FOXP2: variants seen among roughly 807,000 people sequenced by gnomAD.
The protein encoded by FOXP2 is forkhead box protein P2.
Under a neutral mutation model 115.8 loss-of-function variants are expected in FOXP2, and 12 were observed. That is an observed-to-expected ratio of 0.10 (90% confidence interval 0.07 to 0.17). The LOEUF (loss-of-function observed/expected upper bound fraction) is 0.17. FOXP2 is among the 10% of genes least tolerant of loss of function. FOXP2 has a pLI of 1.00. For missense variants in FOXP2, 629 were observed against 843.5 expected (o/e 0.75, Z 3.15); for synonymous variants, 328 against 297.7 (o/e 1.10, Z -1.05).
chr7:114,372,725 T>G (rs1443419464), intron 2 of FOXP2, among the ~76,000 whole-genome samples: 1 of 152,094 alleles, frequency 6.6e-6, no homozygotes, highest in African/African-American at 2.4e-5. Flanking sequence ...TTTTTTGGTT[T>G]TTTTGTTTTG....
intron 2 of FOXP2, among the ~76,000 whole-genome samples, chr7:114,481,060 A>G (rs1364649973): frequency 2.6e-5 from 4 of 151,472 alleles, no homozygotes; most frequent in East Asian, 3.9e-4. Context: ...TGTTGCTAGA[A>G]ACAACCTTTT....
intron 3 of FOXP2, among the ~76,000 whole-genome samples, chr7:114,626,213 A>G (rs1390992301): frequency 6.6e-6 from 1 of 151,820 alleles, no homozygotes; most frequent in Non-Finnish European, 1.5e-5. Flanking sequence ...GGACTAGTAT[A>G]CCCTAAAGAA....
Position 114,642,544 on chromosome 7 carries a change from A to G in FOXP2, c.910A>G (p.Thr304Ala). Residue 304 changes from threonine to alanine, a missense_variant, in exon 7 of 17, where the codon ACT (threonine) becomes GCT (alanine). Thr to Ala is a moderately conservative substitution (Grantham distance 58, BLOSUM62 0). Around this residue, in one of 9 missense-constraint regions of FOXP2, gnomAD observed 92 missense variants for 80.1 expected, o/e 1.15. Coordinates refer to ENST00000350908, the MANE Select transcript of FOXP2 (RefSeq NM_014491.4). The part of the protein sequence containing the change: ...NNSSSTTSSN[T>A]SKASPPITHH... Reference sequence around the variant, plus strand: ...TTCCTCCTCGACTACCTCCTCCAACACTTCCAAAGCATCACCACCAATAAC... The same window carrying G: ...TTCCTCCTCGACTACCTCCTCCAACGCTTCCAAAGCATCACCACCAATAAC... The G allele has an allele frequency of 3.7e-6, 6 of 1,613,670 alleles. No homozygotes were observed. Among genetic ancestry groups the G allele is most frequent in the Non-Finnish European group, 5.1e-6 (6 of 1,179,904 alleles).
chr7:114,461,567 T>C (rs1159585493), intron 2 of FOXP2, among the ~76,000 whole-genome samples: 2 of 152,168 alleles, frequency 1.3e-5, no homozygotes, highest in African/African-American at 4.8e-5. Flanking sequence ...TGCTTTATTC[T>C]GGTTTGTATT....
Position 114,664,366 on chromosome 7 carries a change from C to G in FOXP2, c.1933C>G (p.Leu645Val). 6.2e-7 allele frequency: 1 copy of G among 1,613,624 alleles called. No individual in the cohort carries two copies. The highest frequency in any genetic ancestry group is 1.1e-5 in the South Asian group (1 of 91,084). The change falls in exon 16 of 17, where the codon CTC (leucine) becomes GTC (valine). Residue 645 changes from leucine (L) to valine (V), a missense_variant. Leu to Val is a conservative substitution (Grantham distance 32, BLOSUM62 1). Coordinates refer to ENST00000350908, the MANE Select transcript of FOXP2 (RefSeq NM_014491.4). ...SGLLQAVHEDLNGSLDHIDSN... is the reference protein window; with the variant it reads ...SGLLQAVHEDVNGSLDHIDSN... ...CCTACTGCAGGCCGTCCACGAAGAC[C>G]TCAATGGTTCTCTGGATCACATTGA...
intron 2 of FOXP2, among the ~76,000 whole-genome samples, chr7:114,398,118 T>C (rs1037165728): frequency 3.3e-5 from 5 of 151,986 alleles, no homozygotes; most frequent in African/African-American, 9.7e-5. Context: ...TAACATATAA[T>C]AAAAGAAAGT....
chr7:114,322,156 G>A (rs1797440353), intron 2 of FOXP2, among the ~76,000 whole-genome samples: 1 of 151,344 alleles, frequency 6.6e-6, no homozygotes, highest in Non-Finnish European at 1.5e-5. Flanking sequence ...CTGAGTAACT[G>A]GAATTACAGG....
intron 2 of FOXP2, among the ~76,000 whole-genome samples, chr7:114,440,526 A>G (rs1001952860): frequency 6.6e-5 from 10 of 152,300 alleles, no homozygotes; most frequent in African/African-American, 2.2e-4. Context: ...AGTTATTGGC[A>G]TATAGTGTTA....
chr7:114,394,721 A>G (rs540622766), intron 2 of FOXP2, among the ~76,000 whole-genome samples: 2 of 152,268 alleles, frequency 1.3e-5, no homozygotes, highest in East Asian at 3.9e-4. Flanking sequence ...AACACAGACA[A>G]CCAAAATTAA....
chr7:114,534,807 T>C (rs1016412493), intron 3 of FOXP2, 101 bp downstream of exon 3: 2 of 854,354 alleles, frequency 2.3e-6, no homozygotes, highest in African/African-American at 3.4e-5. Flanking sequence ...AATTATTACA[T>C]TTGCATATGT....
At chr7:114,266,849 T>C (rs551180844) in intron 1 of FOXP2, among the ~76,000 whole-genome samples, 2 of 152,358 alleles carry the variant, frequency 1.3e-5, no homozygotes, top group South Asian at 4.1e-4. Context: ...CTTGTTCAGC[T>C]ATTAGTTCAT....
rs560052504 is a variant in FOXP2, at chr7:114,091,056, A to G, written c.-247+3218A>G. 2.6e-5 allele frequency among the ~76,000 whole-genome samples: 4 copies of G among 151,998 alleles called. No individual in the cohort carries two copies. In the South Asian group the frequency reaches 6.2e-4, roughly 24 times the overall value. The stretch of plus-strand genomic sequence containing the variant: ...CTAATATTGTAGGATACTCTTCCCT[A>G]TAGAATATTGTTTTCTTGCAGATAT... On this transcript the variant is annotated intron_variant, in intron 1 of 19. Coordinates refer to the FOXP2 transcript ENST00000635638.
chr7:114,172,468 T>A (rs1209038164), intron 1 of FOXP2, among the ~76,000 whole-genome samples: 1 of 152,188 alleles, frequency 6.6e-6, no homozygotes, highest in Non-Finnish European at 1.5e-5. Flanking sequence ...CATAGGCCTG[T>A]ACAAAACAAA....
chr7:114,502,241 C>A (rs1415670650), intron 2 of FOXP2, among the ~76,000 whole-genome samples: 1 of 151,966 alleles, frequency 6.6e-6, no homozygotes. Flanking sequence ...AAATTTTGTT[C>A]TTTTATGAAT....
chr7:114,526,485 A>C (rs1039244909), intron 2 of FOXP2, among the ~76,000 whole-genome samples: 1 of 149,480 alleles, frequency 6.7e-6, no homozygotes, highest in African/African-American at 2.5e-5. Flanking sequence ...CAAAAAAAAA[A>C]AACAAAAAAA....
chr7:114,307,246 A>G (rs1797035992), intron 2 of FOXP2, among the ~76,000 whole-genome samples: 1 of 152,076 alleles, frequency 6.6e-6, no homozygotes, highest in African/African-American at 2.4e-5. Context: ...TAAGGCTACT[A>G]TTAATAGGAT....
chr7:114,529,323 CT>C (rs1799026953), intron 2 of FOXP2, among the ~76,000 whole-genome samples: 1 of 151,776 alleles, frequency 6.6e-6, no homozygotes, highest in Non-Finnish European at 1.5e-5. Context: ...TGGGTTTGGA[CT>C]TGAACCTTGA....
chr7:114,413,168 C>T (rs2129199071), upstream of FOXP2, among the ~76,000 whole-genome samples: 1 of 152,106 alleles, frequency 6.6e-6, no homozygotes, highest in African/African-American at 2.4e-5. Flanking sequence ...GGAAACTATC[C>T]TTTATTTCCT....
intron 1 of FOXP2, among the ~76,000 whole-genome samples, chr7:114,127,136 G>A (rs1309666076): frequency 6.6e-6 from 1 of 152,100 alleles, no homozygotes; most frequent in East Asian, 1.9e-4. Flanking sequence ...TTGGACTGAG[G>A]GCCTTTGTTC....
Sources: gnomAD v4.1 joint callset for allele counts (sites outside exome capture counted in the v4.1 genomes callset) on GRCh38, gnomAD v4.1.1 for gene constraint, gnomAD v4.1.1 regional missense constraint, MANE v1.5 for transcripts, NCBI Gene and HGNC (gene_info 2026-07-23, HGNC 2026-07-21) for gene names.